The following GAPVD1 variants were observed in gnomAD, a reference collection of about 807,000 sequenced individuals.
The protein encoded by GAPVD1 is GTPase-activating protein and VPS9 domain-containing protein 1.
In GAPVD1, 35 loss-of-function variants were observed where a neutral mutation model predicts 155.5. The ratio of observed to expected loss-of-function variants is 0.23; its 90% CI spans 0.17 to 0.30. GAPVD1 has a LOEUF of 0.30. Ranked by LOEUF, GAPVD1 falls within the 10% of genes least tolerant of loss-of-function variation. The pLI, the probability that GAPVD1 is intolerant of heterozygous loss-of-function variation, is 1.00. For synonymous variants in GAPVD1, 636 were observed against 619.7 expected, an observed-to-expected ratio of 1.03 and a Z score of -0.39; for missense variants, 1,429 against 1,775.7, an observed-to-expected ratio of 0.80 and a Z score of 3.51.
At chr9:125,300,646 T>C (rs1221863381) in intron 4 of GAPVD1, among the ~76,000 whole-genome samples, 5 of 152,042 alleles carry the variant, frequency 3.3e-5, no homozygotes, top group Admixed American at 2.6e-4. Context: ...GAGAGGGTGG[T>C]ATTGACTGGG....
At chr9:125,281,696 AGC>A (rs1294054368) in intron 2 of GAPVD1, among the ~76,000 whole-genome samples, 10 of 152,166 alleles carry the variant, frequency 6.6e-5, no homozygotes, top group African/African-American at 2.4e-4. Context: ...GATCCCATTC[AGC>A]ATACTATATT....
intron 2 of GAPVD1, among the ~76,000 whole-genome samples, chr9:125,280,396 C>CA (rs750354567): frequency 0.021 from 1,176 of 56,472 alleles, 3 homozygotes; most frequent in Middle Eastern, 0.034. Context: ...AAGTCCATCT[C>CA]AAAAAAAAAA....
intron 3 of GAPVD1, among the ~76,000 whole-genome samples, chr9:125,297,135 A>G (rs1333414118): frequency 6.6e-6 from 1 of 152,202 alleles, no homozygotes; most frequent in Non-Finnish European, 1.5e-5. Flanking sequence ...TGCTATTTGT[A>G]TCAGTTTGTT....
At chr9:125,322,156 C>G (rs1325091302) in intron 10 of GAPVD1, among the ~76,000 whole-genome samples, 1 of 152,108 alleles carries the variant, frequency 6.6e-6, no homozygotes, top group Admixed American at 6.6e-5. Flanking sequence ...GCTCCGCCTC[C>G]CGGGTTCACG....
chr9:125,291,021 A>G (rs888114477), intron 2 of GAPVD1, among the ~76,000 whole-genome samples: 2 of 149,844 alleles, frequency 1.3e-5, no homozygotes, highest in Non-Finnish European at 3.0e-5. Flanking sequence ...AAGACTGGGC[A>G]TAATGGCTTC....
At chr9:125,279,799 T>C (rs1001862628) in intron 2 of GAPVD1, among the ~76,000 whole-genome samples, 1 of 150,858 alleles carries the variant, frequency 6.6e-6, no homozygotes, top group Non-Finnish European at 1.5e-5. Flanking sequence ...CTTGGTGCGA[T>C]GTTCAGGCTG....
chr9:125,331,784 C>G, intron 13 of GAPVD1, 142 bp from the exon 14 acceptor site: 1 of 687,410 alleles, frequency 1.5e-6, no homozygotes, highest in South Asian at 1.8e-5. Flanking sequence ...ATCTAACTAG[C>G]ATTAACTAGT....
At chr9:125,279,694 C>A in intron 2 of GAPVD1, among the ~76,000 whole-genome samples, 1 of 150,580 alleles carries the variant, frequency 6.6e-6, no homozygotes, top group South Asian at 2.1e-4. Flanking sequence ...CTTTCCCATA[C>A]ATAATCTTCA....
At chr9:125,280,171 TG>T (rs1836526192) in intron 2 of GAPVD1, among the ~76,000 whole-genome samples, 1 of 150,744 alleles carries the variant, frequency 6.6e-6, no homozygotes, top group South Asian at 2.1e-4. Flanking sequence ...CCAAGGCGGG[TG>T]GCTCACCTGA....
chr9:125,331,542 T>A (rs1846081297), intron 13 of GAPVD1, among the ~76,000 whole-genome samples: 1 of 152,210 alleles, frequency 6.6e-6, no homozygotes, highest in Non-Finnish European at 1.5e-5. Flanking sequence ...TAGCCTTGTT[T>A]GAAGACCAGT....
At chr9:125,285,980 G>A (rs1289065449) in intron 2 of GAPVD1, among the ~76,000 whole-genome samples, 1 of 150,656 alleles carries the variant, frequency 6.6e-6, no homozygotes, top group Non-Finnish European at 1.5e-5. Flanking sequence ...GATAATTTTC[G>A]TGTTCTCTGT....
chr9:125,337,945 G>A (rs1407858265), intron 17 of GAPVD1, among the ~76,000 whole-genome samples: 1 of 151,886 alleles, frequency 6.6e-6, no homozygotes, highest in Non-Finnish European at 1.5e-5. Flanking sequence ...GTGCAATCTT[G>A]GCTTACTGCT....
intron 4 of GAPVD1, among the ~76,000 whole-genome samples, chr9:125,300,987 G>A (rs917338714): frequency 1.1e-4 from 16 of 152,012 alleles, no homozygotes; most frequent in Non-Finnish European, 1.5e-4. Flanking sequence ...TGCTGATATC[G>A]ACTTCATTTT....
chr9:125,282,384 G>T (rs768337323), intron 2 of GAPVD1, among the ~76,000 whole-genome samples: 3 of 152,182 alleles, frequency 2.0e-5, no homozygotes, highest in Admixed American at 1.3e-4. Flanking sequence ...CAATCCACCT[G>T]CCTTGGCGTC....
chr9:125,285,004 C>T (rs776114909), intron 2 of GAPVD1, among the ~76,000 whole-genome samples: 29 of 152,158 alleles, frequency 1.9e-4, no homozygotes, highest in Non-Finnish European at 3.1e-4. Context: ...TTCACCTTAT[C>T]GGACAGTGCC....
intron 23 of GAPVD1, among the ~76,000 whole-genome samples, chr9:125,352,159 C>G (rs1056998817): frequency 2.6e-5 from 4 of 152,180 alleles, no homozygotes; most frequent in Admixed American, 2.6e-4. Context: ...ACGGTGCAAA[C>G]TGTCAGTGGA....
chr9:125,323,992 T>C (rs1034293359), intron 11 of GAPVD1, 69 bp downstream of exon 11: 51 of 1,429,032 alleles, frequency 3.6e-5, no homozygotes, highest in Non-Finnish European at 4.5e-5. Flanking sequence ...GAGCAGTGTG[T>C]TTTCATTAAG....
chr9:125,331,974 G>A lies in GAPVD1; in HGVS notation c.2222G>A (p.Cys741Tyr). 2 of 1,614,028 alleles carry A rather than the reference G, an allele frequency of 1.2e-6. No individual in the cohort carries two copies. The highest frequency in any genetic ancestry group is 1.7e-6 in the Non-Finnish European group (2 of 1,179,902). Residue 741 changes from cysteine to tyrosine, a missense_variant, in exon 14 of 28, where the codon TGT becomes TAT. By Grantham distance (194) the Cys-to-Tyr change is radical. This residue lies in a region of GAPVD1 where 699 missense variants were observed against 826.0 expected (regional missense o/e 0.85). Coordinates refer to ENST00000297933, the MANE Select transcript of GAPVD1 (RefSeq NM_001282680.3). The stretch of plus-strand genomic sequence containing the variant: ...GAGCGTCTGCAAGAACTGGAGAGCT[G>A]TTCTGGACTGGGTAGCACATCTGAT... ...QEERLQELES[C>Y]SGLGSTSDDT...
chr9:125,356,917 C>G (rs888612851), intron 25 of GAPVD1, among the ~76,000 whole-genome samples: 1 of 152,130 alleles, frequency 6.6e-6, no homozygotes, highest in African/African-American at 2.4e-5. Context: ...TCAGATGATC[C>G]GCTCGTCTTG....
Sources: gnomAD v4.1 joint callset for allele counts (sites outside exome capture counted in the v4.1 genomes callset) on GRCh38, gnomAD v4.1.1 for gene constraint, gnomAD v4.1.1 regional missense constraint, MANE v1.5 for transcripts, NCBI Gene and HGNC (gene_info 2026-07-23, HGNC 2026-07-21) for gene names.